CLEC4C: variants seen among roughly 807,000 people sequenced by gnomAD.
CLEC4C encodes C-type lectin domain family 4 member C.
Under a neutral mutation model 27.7 loss-of-function variants are expected in CLEC4C, and 17 were observed. That is an observed-to-expected ratio of 0.61 (90% CI 0.42 to 0.92). CLEC4C has a LOEUF of 0.92. Ranked by LOEUF, CLEC4C falls within the 40% of genes least tolerant of loss-of-function variation. The pLI is 0.00. For synonymous variants in CLEC4C, 80 were observed against 80.8 expected, an observed-to-expected ratio of 0.99 and a Z score of 0.06; for missense variants, 244 against 257.3, an observed-to-expected ratio of 0.95 and a Z score of 0.35.
chr12:7,744,128 G>A (rs1005515926), intron 2 of CLEC4C, among the ~76,000 whole-genome samples: 20 of 152,152 alleles, frequency 1.3e-4, no homozygotes, highest in Admixed American at 1.3e-4. Flanking sequence ...CTCCTGCCAT[G>A]CCCCACCTCC....
chr12:7,747,269 C>T (rs1458738714), intron 1 of CLEC4C, 49 bp downstream of exon 1: 2 of 1,576,140 alleles, frequency 1.3e-6, no homozygotes, highest in Admixed American at 1.7e-5. Flanking sequence ...GTTTCCCACT[C>T]CATCCTGCTC....
upstream of CLEC4C, chr12:7,749,256 C>T (rs959175762): frequency 6.6e-6 from 1 of 152,154 alleles, no homozygotes; most frequent in Non-Finnish European, 1.5e-5. Flanking sequence ...GGATTGGCTT[C>T]TTTAAAGAAT....
intron 3 of CLEC4C, among the ~76,000 whole-genome samples, chr12:7,740,478 T>C (rs1019444552): frequency 5.3e-5 from 8 of 151,702 alleles, no homozygotes; most frequent in Admixed American, 1.3e-4. Context: ...TGCGGGAGGA[T>C]TGCCTGAGCT....
At chr12:7,740,566 C>T (rs1182637973) in intron 3 of CLEC4C, among the ~76,000 whole-genome samples, 1 of 151,598 alleles carries the variant, frequency 6.6e-6, no homozygotes, top group Non-Finnish European at 1.5e-5. Context: ...CCGGGCCTGG[C>T]AGCGTGTGCC....
chr12:7,747,602 A>T, upstream of CLEC4C: 1 of 430,854 alleles, frequency 2.3e-6, no homozygotes, highest in Non-Finnish European at 4.2e-6. Context: ...AAATACATGA[A>T]AAACAGTTCA....
Position 7,738,812 on chromosome 12 carries a change from A to AGTTTT in CLEC4C, c.236-1243_236-1239dup, listed in dbSNP as rs772785794. Among the ~76,000 whole-genome samples the AGTTTT allele has an allele frequency of 4.7e-3, 713 of 152,022 alleles. 4 individuals carry two copies. The highest frequency in any genetic ancestry group is 0.016 in the African/African-American group (675 of 41,488). On this transcript the variant is annotated intron_variant, in intron 3 of 5. Coordinates refer to ENST00000360345, the MANE Select transcript of CLEC4C (RefSeq NM_001371390.1). The stretch of plus-strand genomic sequence containing the variant: ...GCCACTGAGCCTGGCCTCCTATGAT[A>AGTTTT]GTTTTGTTTTGTTTTTAATTATACT...
At chr12:7,746,227 A>AAG in intron 2 of CLEC4C, 104 bp downstream of exon 2, 2 of 654,482 alleles carry the variant, frequency 3.1e-6, no homozygotes, top group African/African-American at 4.0e-5. Flanking sequence ...AAAAAAAAAA[A>AAG]AAAAAAGAAA....
Position 7,741,600 on chromosome 12 carries a change from T to G in CLEC4C, c.125-69A>C, listed in dbSNP as rs772391894. 3.7e-4 allele frequency: 328 copies of G among 882,940 alleles called. 1 individual carries two copies. In the African/African-American group the frequency reaches 4.8e-3, roughly 13 times the overall value. The allele number at this position is 882,940 out of a possible 1,614,324, so 54.7% of individuals were successfully genotyped here. On this transcript the variant is annotated intron_variant, in intron 2 of 5. Transcript: ENST00000360345. Reference sequence around the variant, plus strand: ...ATCTATGTTGTACTATACAATCTTATGCTGTGGACAGGCACAGTGACTCAC... The same window carrying G: ...ATCTATGTTGTACTATACAATCTTAGGCTGTGGACAGGCACAGTGACTCAC...
At chr12:7,744,917 AT>A (rs1302274968) in intron 2 of CLEC4C, among the ~76,000 whole-genome samples, 1 of 152,054 alleles carries the variant, frequency 6.6e-6, no homozygotes, top group African/African-American at 2.4e-5. Context: ...CATATGAACA[AT>A]TTTTCCTGTC....
At chr12:7,746,565 A>G (rs1864988038) in intron 1 of CLEC4C, 142 bp from the exon 2 acceptor site, 2 of 601,280 alleles carry the variant, frequency 3.3e-6, no homozygotes, top group Non-Finnish European at 2.9e-6. Flanking sequence ...AAGCAAAAAG[A>G]GATTATAGAA....
intron 4 of CLEC4C, among the ~76,000 whole-genome samples, chr12:7,735,506 GA>G (rs74982387): frequency 0.029 from 2,353 of 80,448 alleles, 59 homozygotes; most frequent in South Asian, 0.098. Context: ...CTGTCTCAAA[GA>G]AAAAAAAAAA....
At chr12:7,730,244 T>G (rs145278034) in intron 5 of CLEC4C, among the ~76,000 whole-genome samples, 387 of 152,298 alleles carry the variant, frequency 2.5e-3, no homozygotes, top group African/African-American at 8.5e-3. Flanking sequence ...AGTTCTTCTA[T>G]CTGAAAAAAT....
chr12:7,742,027 A>C (rs917030411), intron 2 of CLEC4C, among the ~76,000 whole-genome samples: 11 of 151,640 alleles, frequency 7.3e-5, no homozygotes, highest in African/African-American at 2.7e-4. Flanking sequence ...TCTCAAAAAA[A>C]CAATTAGCCA....
At chr12:7,733,152 G>C (rs767422267) in intron 4 of CLEC4C, among the ~76,000 whole-genome samples, 1 of 151,950 alleles carries the variant, frequency 6.6e-6, no homozygotes, top group African/African-American at 2.4e-5. Flanking sequence ...GTTGTCAAAC[G>C]TCACACAACT....
intron 2 of CLEC4C, among the ~76,000 whole-genome samples, chr12:7,744,772 G>T (rs1864934992): frequency 6.6e-6 from 1 of 151,852 alleles, no homozygotes; most frequent in Admixed American, 6.6e-5. Flanking sequence ...ATGCCACCAT[G>T]CCAAGTTATA....
intron 4 of CLEC4C, among the ~76,000 whole-genome samples, chr12:7,736,542 A>C (rs1335833753): frequency 1.3e-5 from 2 of 152,168 alleles, no homozygotes; most frequent in Non-Finnish European, 2.9e-5. Context: ...TTATATTTTT[A>C]AAATTAAAAT....
Position 7,729,693 on chromosome 12 carries a change from A to G in CLEC4C, c.545T>C (p.Ile182Thr). The change falls in exon 6 of 6, where the codon ATA becomes ACA. Residue 182 changes from isoleucine (I) to threonine (T), a missense_variant. Physicochemically the swap from Ile to Thr is moderately conservative, Grantham distance 89. Coordinates refer to ENST00000360345, the MANE Select transcript of CLEC4C (RefSeq NM_001371390.1). ...TTCTTCTGAAGAACGGAAATTTATT[A>G]TCGCACAACGCTCATCAAGGTTATT... ...EPNNLDERCA[I>T]INFRSSEEWG... 2 of 1,613,818 alleles carry G rather than the reference A, an allele frequency of 1.2e-6. No homozygotes were observed. The highest frequency in any genetic ancestry group is 2.2e-5 in the South Asian group (2 of 91,076).
At position 7,737,510 on chromosome 12, in the gene CLEC4C, C is replaced by A; in HGVS notation, c.300G>T (p.Gly100=). The change falls in exon 4 of 6, where the codon GGG becomes GGT. Residue 100 remains glycine (G), a synonymous_variant. Coordinates refer to ENST00000360345, the MANE Select transcript of CLEC4C (RefSeq NM_001371390.1). ...FQSSCYFIST[G]MQSWTKSQKN... ...TTTGACTCTTAGTCCAAGATTGCAT[C>A]CCAGTAGAAATAAAGTAGCAACTAG... 6.2e-7 allele frequency: 1 copy of A among 1,613,912 alleles called. No individual in the cohort carries two copies. Among genetic ancestry groups the A allele is most frequent in the Non-Finnish European group, 8.5e-7 (1 of 1,179,934 alleles).
At chr12:7,747,173 A>T in intron 1 of CLEC4C, 145 bp downstream of exon 1, 1 of 795,348 alleles carries the variant, frequency 1.3e-6, no homozygotes, top group Non-Finnish European at 2.2e-6. Context: ...TCTTGGGTCC[A>T]TACCTGTTTC....
Sources: gnomAD v4.1 joint callset for allele counts (sites outside exome capture counted in the v4.1 genomes callset) on GRCh38, gnomAD v4.1.1 for gene constraint, MANE v1.5 for transcripts, NCBI Gene and HGNC (gene_info 2026-07-23, HGNC 2026-07-21) for gene names.